The following EPG5 variants were observed in gnomAD, a reference collection of about 807,000 sequenced individuals.
The protein encoded by EPG5 is ectopic P granules protein 5 homolog.
A neutral mutation model predicts 302.7 loss-of-function variants in EPG5; 159 were observed. The observed-to-expected ratio is 0.53, with a 90% confidence interval of 0.46 to 0.60. The LOEUF (loss-of-function observed/expected upper bound fraction) is 0.60, where lower values mean the gene tolerates loss of function less well. EPG5 is among the 20% of genes least tolerant of loss of function. The probability of loss-of-function intolerance (pLI) is 0.00; values close to 1 mark genes in which losing one functional copy is unlikely to be tolerated. For synonymous variants in EPG5, 1,158 were observed against 1,136.8 expected, an observed-to-expected ratio of 1.02 and a Z score of -0.37; for missense variants, 2,896 against 3,092.4, an observed-to-expected ratio of 0.94 and a Z score of 1.51.
intron 2 of EPG5, among the ~76,000 whole-genome samples, 160 bp from the exon 3 acceptor site, chr18:45,952,803 T>C (rs2143753188): frequency 6.6e-6 from 1 of 152,124 alleles, no homozygotes; most frequent in South Asian, 2.1e-4. Flanking sequence ...TACCAGCAAA[T>C]ATATGATCAG....
At chr18:45,825,203 A>AGAGG in the EPG5 span, among the ~76,000 whole-genome samples, 1 of 123,226 alleles carries the variant, frequency 8.1e-6, no homozygotes, top group Non-Finnish European at 1.7e-5. Flanking sequence ...AGGGAGGAAG[A>AGAGG]GAGGGATAGA....
Position 45,925,901 on chromosome 18 carries a change from A to G in EPG5, c.2555T>C (p.Val852Ala). The stretch of plus-strand genomic sequence containing the variant: ...CAGTTCTTTAAACAAGTATAGAGAA[A>G]CCTTATTAAAAAGAAAACAATAATC... ...VQETIDQVGM[V>A]SLYLFKELPL... The change falls in exon 14 of 44, where the codon GTT becomes GCT. Residue 852 changes from valine (V) to alanine (A), a missense_variant and splice_region_variant. By Grantham distance (64) the Val-to-Ala change is moderately conservative. This residue lies in a region of EPG5 where 1,390 missense variants were observed against 1,430.0 expected (regional missense o/e 0.97). Coordinates refer to ENST00000282041, the MANE Select transcript of EPG5 (RefSeq NM_020964.3). 7.2e-7 allele frequency: 1 copy of G among 1,397,972 alleles called. No homozygotes were observed. Among genetic ancestry groups the G allele is most frequent in the South Asian group, 1.9e-5 (1 of 51,776 alleles). The allele number at this position is 1,397,972 out of a possible 1,614,324, so 86.6% of individuals were successfully genotyped here. A position where few individuals can be genotyped will look rare whatever the true frequency, so the allele number is the denominator to read the frequency against.
the EPG5 span, among the ~76,000 whole-genome samples, chr18:45,822,832 T>C: frequency 2.6e-5 from 4 of 152,192 alleles, no homozygotes; most frequent in Admixed American, 2.0e-4. Context: ...CAGAATATAA[T>C]CAGGCTGCAA....
At chr18:45,948,441 G>T in intron 6 of EPG5, 62 bp downstream of exon 6, 2 of 1,338,140 alleles carry the variant, frequency 1.5e-6, no homozygotes, top group Non-Finnish European at 2.2e-6. Flanking sequence ...AGTTTCAGGA[G>T]CCAATCCTTT....
At chr18:45,929,671 G>A (rs1234705992) in intron 12 of EPG5, among the ~76,000 whole-genome samples, 1 of 152,148 alleles carries the variant, frequency 6.6e-6, no homozygotes, top group Admixed American at 6.6e-5. Context: ...TTACTCAAGA[G>A]CATAAATATT....
At chr18:45,831,245 C>A in the EPG5 span, among the ~76,000 whole-genome samples, 7 of 152,192 alleles carry the variant, frequency 4.6e-5, no homozygotes, top group African/African-American at 1.2e-4. Flanking sequence ...TGGCTCAAAG[C>A]CTTCTGGGTT....
At chr18:45,893,148 G>A (rs769347137) in intron 27 of EPG5, among the ~76,000 whole-genome samples, 2 of 152,168 alleles carry the variant, frequency 1.3e-5, no homozygotes, top group Non-Finnish European at 2.9e-5. Flanking sequence ...AAAAGTAGGG[G>A]TCTTGAATTT....
chr18:45,837,577 G>C, the EPG5 span: 1 of 1,516,068 alleles, frequency 6.6e-7, no homozygotes, highest in Non-Finnish European at 8.8e-7. Flanking sequence ...CAGGCGACGC[G>C]GCAGTGCTGC....
chr18:45,900,350 C>T (rs766767785), intron 26 of EPG5, among the ~76,000 whole-genome samples: 1 of 144,416 alleles, frequency 6.9e-6, no homozygotes, highest in South Asian at 2.2e-4. Flanking sequence ...TGCAGTGAGC[C>T]GAGATCATGC....
chr18:45,941,194 G>A (rs973082667), intron 9 of EPG5, among the ~76,000 whole-genome samples: 22 of 152,224 alleles, frequency 1.4e-4, no homozygotes, highest in African/African-American at 5.3e-4. Context: ...AAAAGGGACT[G>A]TCAGTGAAAT....
the EPG5 span, among the ~76,000 whole-genome samples, chr18:45,829,516 C>T: frequency 6.6e-6 from 1 of 152,204 alleles, no homozygotes; most frequent in Non-Finnish European, 1.5e-5. Flanking sequence ...TCAGCTCCAC[C>T]CACATACCTA....
chr18:45,844,290 C>G (rs1390148953), downstream of EPG5, among the ~76,000 whole-genome samples: 1 of 151,540 alleles, frequency 6.6e-6, no homozygotes, highest in Non-Finnish European at 1.5e-5. Context: ...CGGGCGATAA[C>G]GTGGGGATAC....
At chr18:45,935,126 A>G (rs186455065) in intron 10 of EPG5, among the ~76,000 whole-genome samples, 160 bp from the exon 11 acceptor site, 6 of 152,358 alleles carry the variant, frequency 3.9e-5, no homozygotes, top group Admixed American at 2.6e-4. Flanking sequence ...TAAGAATAAC[A>G]GCAAATACAA....
intron 30 of EPG5, among the ~76,000 whole-genome samples, chr18:45,883,616 T>TG (rs2049150845): frequency 1.8e-5 from 1 of 55,906 alleles, no homozygotes; most frequent in South Asian, 5.1e-4. Flanking sequence ...AGCCTGGTGT[T>TG]TTTTTTTTTT....
At chr18:45,825,563 T>C in the EPG5 span, 1 of 653,198 alleles carries the variant, frequency 1.5e-6, no homozygotes, top group East Asian at 2.8e-5. Flanking sequence ...GCTGCCAGGC[T>C]TCCTGTCCCC....
chr18:45,914,000 T>C (rs530183488), intron 20 of EPG5, among the ~76,000 whole-genome samples, 172 bp from the exon 21 acceptor site: 10 of 152,240 alleles, frequency 6.6e-5, no homozygotes, highest in South Asian at 2.1e-4. Context: ...GTCGCAGATA[T>C]AAATTTAAAT....
chr18:45,860,399 T>C (rs918220724), intron 39 of EPG5, 53 bp from the exon 40 acceptor site: 31 of 1,610,484 alleles, frequency 1.9e-5, no homozygotes, highest in Admixed American at 3.3e-5. Flanking sequence ...GTACTATCCA[T>C]GTGATCAGGA....
chr18:45,875,774 G>T (rs1315963609), intron 35 of EPG5, among the ~76,000 whole-genome samples: 1 of 152,158 alleles, frequency 6.6e-6, no homozygotes, highest in Non-Finnish European at 1.5e-5. Flanking sequence ...ACACCTAAAG[G>T]CCGGGCGTGG....
intron 2 of EPG5, chr18:45,953,507 C>T (rs1183917118): frequency 2.0e-6 from 2 of 985,238 alleles, no homozygotes; most frequent in Non-Finnish European, 2.4e-6. Context: ...ATGTTTCTCC[C>T]CAATATCCCC....
Sources: gnomAD v4.1 joint callset for allele counts (sites outside exome capture counted in the v4.1 genomes callset) on GRCh38, gnomAD v4.1.1 for gene constraint, gnomAD v4.1.1 regional missense constraint, MANE v1.5 for transcripts, NCBI Gene and HGNC (gene_info 2026-07-23, HGNC 2026-07-21) for gene names.